The following NHS variants were observed in gnomAD, a reference collection of about 807,000 sequenced individuals.
NHS encodes actin remodeling regulator NHS.
In NHS, 5 loss-of-function variants were observed where a neutral mutation model predicts 72.5. The ratio of observed to expected loss-of-function variants is 0.07; its 90% CI spans 0.04 to 0.14. The LOEUF (loss-of-function observed/expected upper bound fraction) is 0.14, where lower values mean the gene tolerates loss of function less well. NHS is among the 10% of genes least tolerant of loss of function. The probability of loss-of-function intolerance (pLI) is 1.00; values close to 1 mark genes in which losing one functional copy is unlikely to be tolerated. For synonymous variants in NHS, 464 were observed against 547.7 expected (o/e 0.85, Z 2.13); for missense variants, 1,072 against 1,355.7 (o/e 0.79, Z 3.29).
rs778215371 is a variant in NHS, at chrX:17,727,696, A to T, written c.3590A>T (p.Asp1197Val). 1.7e-6 allele frequency: 2 copies of T among 1,211,626 alleles called. No individual in the cohort carries two copies. The highest frequency in any genetic ancestry group is 1.1e-6 in the Non-Finnish European group (1 of 895,184). ...KSVSRQYSTE[D>V]TILSFLDSSA... is the part of the protein sequence containing the mutation. ...GTATCTCGTCAATACTCCACTGAAG[A>T]CACCATACTGTCCTTTTTAGACTCT... is the stretch of plus-strand genomic sequence containing the variant. The change falls in exon 7 of 9, where the codon GAC becomes GTC. Residue 1197 changes from aspartate (D) to valine (V), a missense_variant. By Grantham distance (152) the Asp-to-Val change is radical. Transcript: ENST00000676302.
chrX:17,602,075 G>A (rs2065652734), intron 1 of NHS, among the ~76,000 whole-genome samples: 1 of 111,613 alleles, frequency 9.0e-6, no homozygotes, highest in African/African-American at 3.3e-5. Flanking sequence ...GTCCTCCTGT[G>A]GAGAGCTGTT....
At chrX:17,645,237 C>T (rs2065901011) in intron 1 of NHS, among the ~76,000 whole-genome samples, 1 of 111,584 alleles carries the variant, frequency 9.0e-6, no homozygotes, top group Non-Finnish European at 1.9e-5. Context: ...ATTGGTTACT[C>T]ACTACCATGA....
intron 1 of NHS, among the ~76,000 whole-genome samples, chrX:17,602,454 A>G (rs867213422): frequency 9.0e-6 from 1 of 111,649 alleles, no homozygotes; most frequent in Non-Finnish European, 1.9e-5. Flanking sequence ...TTCAAGGATG[A>G]AAAGGGGAGA....
chrX:17,516,571 GCACACACACACA>G (rs765423925), intron 1 of NHS, among the ~76,000 whole-genome samples: 35 of 91,772 alleles, frequency 3.8e-4, no homozygotes, highest in Non-Finnish European at 3.6e-4. Flanking sequence ...ACACACACGC[GCACACACACACA>G]CACACACACA....
At chrX:17,430,959 G>A in intron 1 of NHS, among the ~76,000 whole-genome samples, 1 of 112,145 alleles carries the variant, frequency 8.9e-6, no homozygotes, top group Non-Finnish European at 1.9e-5. Flanking sequence ...TCTTTGTGTG[G>A]ACATATGTTC....
chrX:17,476,562 A>G (rs1601723585), intron 1 of NHS, among the ~76,000 whole-genome samples: 1 of 111,103 alleles, frequency 9.0e-6, no homozygotes, highest in African/African-American at 3.3e-5. Flanking sequence ...ATAATGATTC[A>G]AGTGAAGGTA....
chrX:17,386,881 G>A (rs1249318768), intron 1 of NHS, among the ~76,000 whole-genome samples: 1 of 111,196 alleles, frequency 9.0e-6, no homozygotes, highest in Non-Finnish European at 1.9e-5. Flanking sequence ...CATTGTCTCT[G>A]TTAAACTGAA....
chrX:17,724,717 TAGC>T (rs2066430103), intron 6 of NHS, among the ~76,000 whole-genome samples: 1 of 112,258 alleles, frequency 8.9e-6, no homozygotes, highest in Admixed American at 9.4e-5. Context: ...GAATAAAAAG[TAGC>T]AGGAGTCAAT....
chrX:17,375,259 C>A lies in NHS; in HGVS notation c.-499C>A. Among the ~76,000 whole-genome samples the A allele has an allele frequency of 8.9e-6, 1 of 112,396 alleles. No homozygotes were observed. The highest frequency in any genetic ancestry group is 1.9e-5 in the Non-Finnish European group (1 of 53,091). The stretch of plus-strand genomic sequence containing the variant: ...CAGGGAGAGAGATCCCGGGCGCAAT[C>A]GCTCCCCGGAGCGGCCGAGGGGCGC... On this transcript the variant is annotated 5_prime_UTR_variant, in exon 1 of 9. Transcript: ENST00000676302.
At chrX:17,683,003 A>C (rs1008904059) in intron 1 of NHS, among the ~76,000 whole-genome samples, 10 of 111,438 alleles carry the variant, frequency 9.0e-5, no homozygotes, top group African/African-American at 3.3e-4. Context: ...GTTTTCCTTA[A>C]TGTCTAAGTT....
At chrX:17,564,050 T>C (rs747250179) in intron 1 of NHS, among the ~76,000 whole-genome samples, 8 of 112,068 alleles carry the variant, frequency 7.1e-5, no homozygotes, top group African/African-American at 2.3e-4. Flanking sequence ...ATACAGCATA[T>C]TTATGCAAAA....
At chrX:17,706,152 A>C (rs1206663565) in intron 3 of NHS, among the ~76,000 whole-genome samples, 1 of 111,392 alleles carries the variant, frequency 9.0e-6, no homozygotes, top group East Asian at 2.8e-4. Context: ...TGATTGCACC[A>C]CTGCACTTCC....
rs2064342348 is a variant in NHS at position 17,375,811 on chromosome X, C to T, written c.54C>T (p.Arg18=). 2 of 1,150,837 alleles carry T rather than the reference C, an allele frequency of 1.7e-6. No individual in the cohort carries two copies. Among genetic ancestry groups the T allele is most frequent in the Non-Finnish European group, 2.3e-6 (2 of 871,321 alleles). The allele number at this position is 1,150,837 out of a possible 1,213,427, so 94.8% of individuals were successfully genotyped here. A position where few individuals can be genotyped will look rare whatever the true frequency, so the allele number is the denominator to read the frequency against. The change falls in exon 1 of 9, where the codon CGC becomes CGT. Residue 18 remains arginine (R), a synonymous_variant. Coordinates refer to ENST00000676302, the MANE Select transcript of NHS (RefSeq NM_001291867.2). The part of the protein sequence containing the change: ...VEPQWLCRQR[R]PAPGPAVDAS... Reference sequence around the variant, plus strand: ...CGCAATGGCTGTGCAGGCAGCGGCGCCCTGCGCCCGGCCCAGCAGTGGACG... The same window carrying T: ...CGCAATGGCTGTGCAGGCAGCGGCGTCCTGCGCCCGGCCCAGCAGTGGACG...
intron 1 of NHS, among the ~76,000 whole-genome samples, chrX:17,604,228 TCACACACACACACACA>T (rs59367930): frequency 1.1e-5 from 1 of 92,271 alleles, no homozygotes; most frequent in Middle Eastern, 5.7e-3. Flanking sequence ...TATTAATAGA[TCACACACACACACACA>T]CACACACACA....
intron 1 of NHS, among the ~76,000 whole-genome samples, chrX:17,645,696 C>T (rs1282057246): frequency 4.5e-5 from 5 of 112,063 alleles, no homozygotes; most frequent in Non-Finnish European, 9.4e-5. Flanking sequence ...TCTTACAAAT[C>T]CTACTGAGAT....
chrX:17,403,346 G>A (rs184506939), intron 1 of NHS, among the ~76,000 whole-genome samples: 2 of 112,224 alleles, frequency 1.8e-5, no homozygotes, highest in East Asian at 5.6e-4. Context: ...TGAACAGCTA[G>A]CCAGCTTCTG....
In NHS at chrX:17,375,681, C is replaced by T. The variant is rs2064341426; in HGVS notation, c.-77C>T. The T allele has an allele frequency of 9.2e-7, 1 of 1,085,928 alleles. No homozygotes were observed. The highest frequency in any genetic ancestry group is 1.8e-5 in the African/African-American group (1 of 54,496). 89.5% of individuals were successfully genotyped at this position (1,085,928 alleles called of 1,213,427 possible). A position where few individuals can be genotyped will look rare whatever the true frequency, so the allele number is the denominator to read the frequency against. On this transcript the variant is annotated 5_prime_UTR_variant, in exon 1 of 9. Transcript: ENST00000676302. ...TTGCCGGACTCCTGCCCCCTCCCTG[C>T]TCAGGTGGGCGCGCCCGGTCTCCAG... is the stretch of plus-strand genomic sequence containing the variant.
intron 3 of NHS, among the ~76,000 whole-genome samples, chrX:17,711,977 T>C (rs899506271): frequency 2.8e-5 from 3 of 108,681 alleles, no homozygotes; most frequent in African/African-American, 1.0e-4. Flanking sequence ...TGTGGACATA[T>C]TCATTTTTCT....
chrX:17,615,018 C>T (rs1165094042), intron 1 of NHS, among the ~76,000 whole-genome samples: 2 of 103,665 alleles, frequency 1.9e-5, no homozygotes, highest in Non-Finnish European at 3.9e-5. Flanking sequence ...TTGCATCTTC[C>T]CTCTCTTTCT....
Sources: allele counts gnomAD v4.1 joint callset (sites outside exome capture counted in the v4.1 genomes callset), GRCh38; gene constraint gnomAD v4.1.1; transcripts MANE v1.5; gene names NCBI Gene and HGNC (gene_info 2026-07-23, HGNC 2026-07-21).